Variants in NRN1 observed in about 807,000 individuals in gnomAD.
NRN1 encodes the protein neuritin.
In NRN1, 4 loss-of-function variants were observed where a neutral mutation model predicts 15.0. The observed-to-expected ratio is 0.27, with a 90% CI of 0.13 to 0.61. The LOEUF is 0.61. Among genes scored for constraint, NRN1 ranks in the 20% least tolerant of loss-of-function variants. The pLI is 0.87. For synonymous variants in NRN1, 85 were observed against 79.8 expected, an observed-to-expected ratio of 1.07 and a Z score of -0.35; for missense variants, 134 against 181.9, an observed-to-expected ratio of 0.74 and a Z score of 1.51.
In NRN1 at chr6:6,002,335, G is replaced by C. The variant is rs774783606; in HGVS notation, c.200+18C>G. On this transcript the variant is annotated intron_variant, in intron 2 of 2. Transcript: ENST00000244766. The stretch of plus-strand genomic sequence containing the variant: ...CGCCCCCAAAACCGAAGTCCAGCCG[G>C]CCAGAGAGGACACTTACGTGCACAC... The C allele has an allele frequency of 1.5e-5, 24 of 1,612,272 alleles. No individual in the cohort carries two copies. The highest frequency in any genetic ancestry group is 2.0e-5 in the Non-Finnish European group (23 of 1,178,516).
chr6:6,007,094 A>G (rs1758130890), upstream of NRN1: 1 of 275,530 alleles, frequency 3.6e-6, no homozygotes, highest in South Asian at 5.4e-5. Flanking sequence ...ACACCTTGGT[A>G]GAGAATCGCC....
intron 1 of NRN1, chr6:6,003,641 C>T: frequency 8.9e-7 from 1 of 1,122,614 alleles, no homozygotes; most frequent in Non-Finnish European, 1.1e-6. Flanking sequence ...AAGCCCCAAG[C>T]CCCCAAGCCC....
At chr6:6,005,567 T>C (rs560776959) in intron 1 of NRN1, among the ~76,000 whole-genome samples, 20 of 152,262 alleles carry the variant, frequency 1.3e-4, no homozygotes, top group Non-Finnish European at 2.8e-4. Context: ...GGAAAAAACA[T>C]ATTATGCATT....
chr6:6,000,608 AG>A (rs1314848845), intron 2 of NRN1, among the ~76,000 whole-genome samples: 13 of 151,958 alleles, frequency 8.6e-5, no homozygotes, highest in Admixed American at 2.0e-4. Flanking sequence ...CAGAGCTTCC[AG>A]GTTCCTCAAC....
chr6:6,006,542 T>C (rs1758114500), intron 1 of NRN1, among the ~76,000 whole-genome samples, 153 bp downstream of exon 1: 1 of 152,232 alleles, frequency 6.6e-6, no homozygotes. Flanking sequence ...TGGGACGCGC[T>C]AGTCCCCAGG....
At chr6:6,002,886 C>T in intron 1 of NRN1, 1 of 378,720 alleles carries the variant, frequency 2.6e-6, no homozygotes, top group East Asian at 4.0e-5. Flanking sequence ...CAACACTTCC[C>T]CAGCAAGCCC....
intron 2 of NRN1, among the ~76,000 whole-genome samples, chr6:6,000,722 CTTTTT>C (rs55712329): frequency 0.042 from 2,577 of 60,798 alleles, 66 homozygotes; most frequent in Non-Finnish European, 0.047. Context: ...CTAAATTGCT[CTTTTT>C]TTTTTTTTTT....
At chr6:6,001,782 T>G (rs973554250) in intron 2 of NRN1, among the ~76,000 whole-genome samples, 1 of 152,194 alleles carries the variant, frequency 6.6e-6, no homozygotes, top group African/African-American at 2.4e-5. Context: ...GGGAGACCTG[T>G]ATCTCCTTGC....
At chr6:6,004,053 C>T (rs1032789023) in intron 1 of NRN1, 21 of 1,154,190 alleles carry the variant, frequency 1.8e-5, no homozygotes, top group Non-Finnish European at 2.0e-5. Flanking sequence ...TAGCAGCTTC[C>T]GAGAGCGTAC....
At chr6:6,000,725 T>TA (rs1757920709) in intron 2 of NRN1, among the ~76,000 whole-genome samples, 2 of 87,264 alleles carry the variant, frequency 2.3e-5, no homozygotes, top group Non-Finnish European at 4.1e-5. Flanking sequence ...AATTGCTCTT[T>TA]TTTTTTTTTT....
intron 1 of NRN1, among the ~76,000 whole-genome samples, chr6:6,004,855 C>T (rs1171012719): frequency 6.6e-6 from 1 of 152,110 alleles, no homozygotes; most frequent in African/African-American, 2.4e-5. Flanking sequence ...TTCGACCTCT[C>T]ATTCATTCCG....
At chr6:6,000,033 T>TG (rs1317029416) in intron 2 of NRN1, among the ~76,000 whole-genome samples, 2 of 152,224 alleles carry the variant, frequency 1.3e-5, no homozygotes, top group Non-Finnish European at 2.9e-5. Flanking sequence ...GCCTGCGCGT[T>TG]GGGTCCCTCC....
intron 1 of NRN1, chr6:6,003,364 T>G (rs952222752): frequency 1.5e-4 from 102 of 699,082 alleles, no homozygotes; most frequent in Admixed American, 4.8e-4. Flanking sequence ...ACCTCGGGCC[T>G]CTTTCTCTCC....
intron 1 of NRN1, chr6:6,003,799 C>A: frequency 1.6e-6 from 2 of 1,233,948 alleles, no homozygotes; most frequent in Non-Finnish European, 2.0e-6. Context: ...GCAGCCCGGG[C>A]GCCGGGAGGG....
chr6:6,004,380 GAAATA>G (rs3838671), intron 1 of NRN1, among the ~76,000 whole-genome samples: 4,518 of 152,184 alleles, frequency 0.03, 136 homozygotes, highest in East Asian at 0.16. Flanking sequence ...GAGAAGAAAC[GAAATA>G]AAATAAAGTC....
At chr6:6,004,683 C>T (rs764859458) in intron 1 of NRN1, among the ~76,000 whole-genome samples, 3 of 152,326 alleles carry the variant, frequency 2.0e-5, no homozygotes, top group South Asian at 2.1e-4. Context: ...GCGCGCGGGA[C>T]GGATTTTGCA....
intron 2 of NRN1, among the ~76,000 whole-genome samples, chr6:5,999,524 G>GCCTCCGCAAACAGATTGCTCGC (rs1757874432): frequency 6.6e-6 from 1 of 152,258 alleles, no homozygotes; most frequent in African/African-American, 2.4e-5. Flanking sequence ...TGGCACCTCG[G>GCCTCCGCAAACAGATTGCTCGC]CCTCCGCAAA....
chr6:6,003,802 C>A (rs3805790), intron 1 of NRN1: 101,032 of 1,233,918 alleles, frequency 0.082, 4,519 homozygotes, highest in Middle Eastern at 0.1. Context: ...GCCCGGGCGC[C>A]GGGAGGGCGC....
intron 1 of NRN1, among the ~76,000 whole-genome samples, chr6:6,006,166 G>C (rs889052130): frequency 2.0e-5 from 3 of 152,098 alleles, no homozygotes; most frequent in Non-Finnish European, 2.9e-5. Context: ...CCGGGTCTGC[G>C]GTGCCCGTGC....
Sources: gnomAD v4.1 joint callset for allele counts (sites outside exome capture counted in the v4.1 genomes callset) on GRCh38, gnomAD v4.1.1 for gene constraint, MANE v1.5 for transcripts, NCBI Gene and HGNC (gene_info 2026-07-23, HGNC 2026-07-21) for gene names.